DMXL1: variants seen among roughly 807,000 people sequenced by gnomAD.
DMXL1 encodes dmX-like protein 1.
DMXL1 carries 99 observed loss-of-function variants against 319.2 expected under a neutral mutation model. The observed-to-expected ratio is 0.31, with a 90% CI of 0.26 to 0.37. DMXL1 has a LOEUF of 0.37. Among genes scored for constraint, DMXL1 ranks in the 10% least tolerant of loss-of-function variants. The pLI is 1.00. For synonymous variants in DMXL1, 1,385 were observed against 1,235.2 expected (o/e 1.12, Z -2.54); for missense variants, 3,745 against 3,595.6 (o/e 1.04, Z -1.06).
intron 21 of DMXL1, 89 bp downstream of exon 21, chr5:119,165,369 G>A: frequency 1.5e-6 from 1 of 679,728 alleles, no homozygotes; most frequent in Non-Finnish European, 2.5e-6. Context: ...TGTTGTTCTT[G>A]TTGATGTTGA....
chr5:119,147,437 G>A lies in DMXL1; in HGVS notation c.2878G>A (p.Gly960Arg). The A allele has an allele frequency of 6.2e-7, 1 of 1,613,410 alleles. No homozygotes were observed. Among genetic ancestry groups the A allele is most frequent in the Admixed American group, 1.7e-5 (1 of 59,892 alleles). The change falls in exon 17 of 44, where the codon GGA becomes AGA. Residue 960 changes from glycine to arginine, a missense_variant. Around this residue, in one of 4 missense-constraint regions of DMXL1, gnomAD observed 2,096 missense variants for 1,985.4 expected, o/e 1.06. Coordinates refer to ENST00000539542, the MANE Select transcript of DMXL1 (RefSeq NM_001290321.3). Reference protein sequence around the residue: ...VYSQELHLPEGVEIISIKPSA... With the variant: ...VYSQELHLPERVEIISIKPSA... The stretch of plus-strand genomic sequence containing the variant: ...TAGCCAAGAATTGCATTTACCAGAA[G>A]GAGTTGAGATAATAAGTATTAAGCC...
chr5:119,143,498 C>T (rs1767870909), intron 13 of DMXL1, among the ~76,000 whole-genome samples: 1 of 151,936 alleles, frequency 6.6e-6, no homozygotes, highest in South Asian at 2.1e-4. Flanking sequence ...TTCTTTAGCT[C>T]TATCCTTCCT....
intron 1 of DMXL1, among the ~76,000 whole-genome samples, chr5:119,077,498 T>TTG (rs1315737507): frequency 2.8e-5 from 4 of 144,508 alleles, no homozygotes; most frequent in African/African-American, 1.0e-4. Context: ...TTTTTTTTTT[T>TTG]TTTTTTTAAG....
intron 35 of DMXL1, among the ~76,000 whole-genome samples, chr5:119,219,699 C>T (rs569531560): frequency 2.6e-5 from 4 of 152,210 alleles, no homozygotes; most frequent in Admixed American, 1.3e-4. Flanking sequence ...TCCCAAGTAG[C>T]TGGGACTGCA....
chr5:119,122,156 C>T (rs1378497613), intron 9 of DMXL1, among the ~76,000 whole-genome samples: 2 of 133,374 alleles, frequency 1.5e-5, no homozygotes, highest in African/African-American at 5.7e-5. Flanking sequence ...CCACCTCCCT[C>T]CCAGACGGGG....
rs70982467 is a variant in DMXL1, at chr5:119,089,999, C to CTTTTTTTTTTTTTTTTTT, written c.88-7959_88-7942dup. ...TGATTATTTTATGCTTCGGGTTAGT[C>CTTTTTTTTTTTTTTTTTT]TTTTTTTTTTTTTTTTTTTTTTTTT... On this transcript the variant is annotated intron_variant, in intron 1 of 43. Coordinates refer to ENST00000539542, the MANE Select transcript of DMXL1 (RefSeq NM_001290321.3). Among the ~76,000 whole-genome samples, 28 of 34,402 alleles carry CTTTTTTTTTTTTTTTTTT rather than the reference C, an allele frequency of 8.1e-4. 12 individuals carry two copies. The highest frequency in any genetic ancestry group is 9.6e-4 in the Non-Finnish European group (18 of 18,760). The allele number at this position is 34,402 out of a possible 152,430, so 22.6% of individuals were successfully genotyped here.
intron 2 of DMXL1, among the ~76,000 whole-genome samples, chr5:119,099,687 A>G (rs145438059): frequency 2.0e-5 from 3 of 152,282 alleles, no homozygotes; most frequent in East Asian, 3.9e-4. Flanking sequence ...GTGATAGACT[A>G]TATGACAGTC....
rs920039141 is a variant in DMXL1 at position 119,220,575 on chromosome 5, T to C, written c.8117T>C (p.Ile2706Thr). Residue 2706 changes from isoleucine (I) to threonine (T), a missense_variant, in exon 36 of 44, where the codon ATA (isoleucine) becomes ACA (threonine). Physicochemically the swap from Ile to Thr is moderately conservative, Grantham distance 89. Transcript: ENST00000539542. ...TQVYTWVDDDIEVETKGSEDF... is the reference protein window; with the variant it reads ...TQVYTWVDDDTEVETKGSEDF... ...GTCTACACTTGGGTAGATGATGATA[T>C]AGAAGTGGAAACCAAAGGGTACCTT... The C allele has an allele frequency of 6.2e-7, 1 of 1,613,630 alleles. No individual in the cohort carries two copies. Among genetic ancestry groups the C allele is most frequent in the East Asian group, 2.2e-5 (1 of 44,828 alleles).
At chr5:119,202,885 T>TTTATA (rs1554139436) in intron 32 of DMXL1, among the ~76,000 whole-genome samples, 19 of 130,768 alleles carry the variant, frequency 1.5e-4, no homozygotes, top group South Asian at 2.3e-4. Flanking sequence ...ATATATATTT[T>TTTATA]TATATATATA....
chr5:119,164,207 C>G (rs1354472680), intron 19 of DMXL1, among the ~76,000 whole-genome samples: 4 of 151,734 alleles, frequency 2.6e-5, no homozygotes, highest in African/African-American at 9.7e-5. Context: ...TAAAATAATG[C>G]TTTAAGTGTT....
chr5:119,082,854 C>G (rs1000006788), intron 1 of DMXL1, among the ~76,000 whole-genome samples: 2 of 152,206 alleles, frequency 1.3e-5, no homozygotes, highest in Admixed American at 6.5e-5. Context: ...TATTCAACTT[C>G]TCTTCATCGT....
At position 119,133,855 on chromosome 5, in the gene DMXL1, C is replaced by G; in HGVS notation, c.1931C>G (p.Ala644Gly). The change falls in exon 12 of 44, where the codon GCT becomes GGT. Residue 644 changes from alanine to glycine, a missense_variant. Ala to Gly is a moderately conservative substitution (Grantham distance 60). Transcript: ENST00000539542. ...CATCGTTTTCATCTTAATGATTTAGCTTGCCACTCAGTATTACCATTATTG... is the reference window on the plus strand; with the variant it reads ...CATCGTTTTCATCTTAATGATTTAGGTTGCCACTCAGTATTACCATTATTG... ...CGHRFHLNDL[A>G]CHSVLPLLLT... The G allele has an allele frequency of 6.2e-7, 1 of 1,614,134 alleles. No homozygotes were observed.
At chr5:119,114,229 A>G (rs1443789216) in intron 5 of DMXL1, among the ~76,000 whole-genome samples, 1 of 152,244 alleles carries the variant, frequency 6.6e-6, no homozygotes, top group Non-Finnish European at 1.5e-5. Flanking sequence ...AATGAAAGTT[A>G]CAACTTTTGT....
chr5:119,124,465 C>G (rs1164300313), intron 9 of DMXL1, among the ~76,000 whole-genome samples: 2 of 151,404 alleles, frequency 1.3e-5, no homozygotes, highest in Non-Finnish European at 2.9e-5. Context: ...AGAATTAGCT[C>G]ATTAAAGAGG....
At position 119,224,704 on chromosome 5, in the gene DMXL1, A is replaced by G. The variant is rs756077494; in HGVS notation, c.8278-5A>G. 8.3e-7 allele frequency: 1 copy of G among 1,206,762 alleles called. No homozygotes were observed. Among genetic ancestry groups the G allele is most frequent in the Admixed American group, 2.8e-5 (1 of 35,916 alleles). 74.8% of individuals were successfully genotyped at this position (1,206,762 alleles called of 1,614,324 possible). A position where few individuals can be genotyped will look rare whatever the true frequency, so the allele number is the denominator to read the frequency against. On this transcript the variant is annotated splice_polypyrimidine_tract_variant and splice_region_variant and intron_variant, in intron 37 of 43. Coordinates refer to ENST00000539542, the MANE Select transcript of DMXL1 (RefSeq NM_001290321.3). ...GCCTATAAAATAATTTTTCTATTTT[A>G]CCAGATGATTAAGAAAGCCATTAAT...
At chr5:119,098,937 T>C (rs1433411652) in intron 2 of DMXL1, among the ~76,000 whole-genome samples, 1 of 152,216 alleles carries the variant, frequency 6.6e-6, no homozygotes, top group African/African-American at 2.4e-5. Context: ...CTAATCTTCA[T>C]TTGAGGTAAA....
intron 25 of DMXL1, among the ~76,000 whole-genome samples, chr5:119,173,247 G>A (rs965063942): frequency 2.6e-5 from 4 of 151,860 alleles, no homozygotes; most frequent in Non-Finnish European, 4.4e-5. Context: ...GGCTGAGGCA[G>A]GAGAATCACT....
At chr5:119,108,971 T>C (rs1164156957) in intron 4 of DMXL1, among the ~76,000 whole-genome samples, 1 of 151,924 alleles carries the variant, frequency 6.6e-6, no homozygotes, top group Non-Finnish European at 1.5e-5. Flanking sequence ...CCGGCTAATT[T>C]TGTATTTTTA....
At chr5:119,245,045 A>T (rs1310340842) in intron 43 of DMXL1, among the ~76,000 whole-genome samples, 8 of 152,174 alleles carry the variant, frequency 5.3e-5, no homozygotes, top group Non-Finnish European at 1.0e-4. Context: ...TTGAAAACTT[A>T]AGACAGGTTT....
Sources: allele counts gnomAD v4.1 joint callset (sites outside exome capture counted in the v4.1 genomes callset), GRCh38; gene constraint gnomAD v4.1.1; regional missense constraint gnomAD v4.1.1; transcripts MANE v1.5; gene names NCBI Gene and HGNC (gene_info 2026-07-23, HGNC 2026-07-21).